TMEM229B: variants seen among roughly 807,000 people sequenced by gnomAD.
The protein encoded by TMEM229B is transmembrane protein 229B.
Under a neutral mutation model 13.7 loss-of-function variants are expected in TMEM229B, and 6 were observed. The observed-to-expected ratio is 0.44, with a 90% CI of 0.24 to 0.86. The LOEUF (loss-of-function observed/expected upper bound fraction) is 0.86, where lower values mean the gene tolerates loss of function less well. Ranked by LOEUF, TMEM229B falls within the 40% of genes least tolerant of loss-of-function variation. The pLI is 0.23. For missense variants in TMEM229B, 170 were observed against 236.0 expected (o/e 0.72, Z 1.83); for synonymous variants, 107 against 102.1 (o/e 1.05, Z -0.29).
At chr14:67,479,458 C>G (rs1331646780) in intron 2 of TMEM229B, among the ~76,000 whole-genome samples, 2 of 151,426 alleles carry the variant, frequency 1.3e-5, no homozygotes. Flanking sequence ...TAGCTCATGC[C>G]TGTAATCCCA....
At position 67,473,385 on chromosome 14, in the gene TMEM229B, A is replaced by G. The variant is rs749173504; in HGVS notation, c.*35T>C. 6.2e-7 allele frequency: 1 copy of G among 1,603,762 alleles called. No homozygotes were observed. Among genetic ancestry groups the G allele is most frequent in the South Asian group, 1.1e-5 (1 of 89,154 alleles). On this transcript the variant is annotated 3_prime_UTR_variant, in exon 3 of 3. Coordinates refer to ENST00000554480, the MANE Select transcript of TMEM229B (RefSeq NM_001348543.2). The surrounding 1 kb of genome is among the most constrained non-coding windows in gnomAD (Gnocchi z 6.5). Reference sequence around the variant, plus strand: ...CTTGGTCTCTTTGTCCATGAGTTCCATGAGAGATCCCCAGGCCCCCCACCC... The same window carrying G: ...CTTGGTCTCTTTGTCCATGAGTTCCGTGAGAGATCCCCAGGCCCCCCACCC...
At chr14:67,506,781 C>G (rs1409811421) in intron 1 of TMEM229B, among the ~76,000 whole-genome samples, 1 of 152,100 alleles carries the variant, frequency 6.6e-6, no homozygotes, top group East Asian at 1.9e-4. Context: ...GTAAAGAGAT[C>G]GAGACCATCC....
intron 1 of TMEM229B, among the ~76,000 whole-genome samples, chr14:67,523,264 C>T (rs2033316832): frequency 6.7e-6 from 1 of 149,616 alleles, no homozygotes; most frequent in Admixed American, 6.7e-5. Context: ...GCTGAGGTTG[C>T]AGTGAGCCAA....
chr14:67,479,992 T>C (rs529810652), intron 2 of TMEM229B, among the ~76,000 whole-genome samples: 62 of 152,310 alleles, frequency 4.1e-4, no homozygotes, highest in African/African-American at 1.4e-3. Context: ...TGAGACCTAA[T>C]GGACGCTGCC....
chr14:67,532,223 A>G (rs115138861), intron 1 of TMEM229B, among the ~76,000 whole-genome samples: 1,650 of 152,292 alleles, frequency 0.011, 44 homozygotes, highest in African/African-American at 0.037. Flanking sequence ...TTAGAGATTC[A>G]GATTCAAACC....
At chr14:67,483,856 G>A (rs1225294175) in intron 2 of TMEM229B, among the ~76,000 whole-genome samples, 2 of 152,224 alleles carry the variant, frequency 1.3e-5, no homozygotes. Context: ...GGAGCGGTCC[G>A]AACACAGAGG....
At position 67,473,605 on chromosome 14, in the gene TMEM229B, G is replaced by T. The variant is rs1367395787; in HGVS notation, c.319C>A (p.Gln107Lys). 1 of 1,601,808 alleles carries T rather than the reference G, an allele frequency of 6.2e-7. No individual in the cohort carries two copies. The highest frequency in any genetic ancestry group is 1.1e-5 in the South Asian group (1 of 89,516). ...AGGCCCATGAAGTCAAAGTCGAACT[G>T]GGAGTAGTCCCAGGGGCAGGCGTTG... ...QFNACPWDYSQFDFDFMGLIT... is the reference protein window; with the variant it reads ...QFNACPWDYSKFDFDFMGLIT... Residue 107 changes from glutamine to lysine, a missense_variant, in exon 3 of 3, where the codon CAG (glutamine) becomes AAG (lysine). This residue lies in a region of TMEM229B where 57 missense variants were observed against 66.7 expected (regional missense o/e 0.85). Coordinates refer to ENST00000554480, the MANE Select transcript of TMEM229B (RefSeq NM_001348543.2). The surrounding 1 kb of genome is among the most constrained non-coding windows in gnomAD (Gnocchi z 6.5).
At chr14:67,513,141 A>G (rs1311817300) in intron 1 of TMEM229B, among the ~76,000 whole-genome samples, 1 of 152,206 alleles carries the variant, frequency 6.6e-6, no homozygotes, top group Non-Finnish European at 1.5e-5. Context: ...TCCCATCTTA[A>G]GGTCAGTACA....
At chr14:67,533,179 G>A (rs2033524886) in intron 1 of TMEM229B, 1 of 151,990 alleles carries the variant, frequency 6.6e-6, no homozygotes. Context: ...GTTGAATGGG[G>A]CGCAGCAAGG....
At chr14:67,489,809 T>C (rs956314871), upstream of TMEM229B, among the ~76,000 whole-genome samples, 2 of 152,024 alleles carry the variant, frequency 1.3e-5, no homozygotes, top group African/African-American at 2.4e-5. Flanking sequence ...GCTAACATGG[T>C]GAAACCCCAT....
chr14:67,508,753 C>CAAAAAAAAAAAAAAAAAAAAAAAAAA lies in TMEM229B; in HGVS notation c.-192+6332_-192+6333insTTTTTTTTTTTTTTTTTTTTTTTTTT, dbSNP rs757183130. 1.6e-3 allele frequency among the ~76,000 whole-genome samples: 74 copies of CAAAAAAAAAAAAAAAAAAAAAAAAAA among 46,634 alleles called. 6 individuals carry two copies. Among genetic ancestry groups the CAAAAAAAAAAAAAAAAAAAAAAAAAA allele is most frequent in the Non-Finnish European group, 2.5e-3 (53 of 21,270 alleles). 30.6% of individuals were successfully genotyped at this position (46,634 alleles called of 152,430 possible). On this transcript the variant is annotated intron_variant, in intron 1 of 2. Coordinates refer to the TMEM229B transcript ENST00000357461. ...TGGGTGACAGAGCAAAACCTTGTCT[C>CAAAAAAAAAAAAAAAAAAAAAAAAAA]AAAAAAAAAAAAAAAAAACAGAAGA...
chr14:67,488,331 A>G (rs887677533), intron 1 of TMEM229B, among the ~76,000 whole-genome samples, 177 bp downstream of exon 1: 2 of 152,252 alleles, frequency 1.3e-5, no homozygotes, highest in African/African-American at 4.8e-5. Flanking sequence ...AAAGGGCAGG[A>G]GTGGGGGAAC....
intron 2 of TMEM229B, among the ~76,000 whole-genome samples, chr14:67,476,029 C>T (rs1348514209): frequency 6.6e-6 from 1 of 152,208 alleles, no homozygotes; most frequent in Non-Finnish European, 1.5e-5. Flanking sequence ...GGGACTGCAT[C>T]AAGAATGGGA....
chr14:67,504,349 G>A (rs183893617), intron 1 of TMEM229B, among the ~76,000 whole-genome samples: 8 of 152,274 alleles, frequency 5.3e-5, no homozygotes, highest in Admixed American at 2.0e-4. Context: ...ATATAAGTAC[G>A]TTCCTCATGA....
At chr14:67,491,874 G>T (rs957971048), upstream of TMEM229B, among the ~76,000 whole-genome samples, 3 of 152,206 alleles carry the variant, frequency 2.0e-5, no homozygotes, top group African/African-American at 7.2e-5. Flanking sequence ...CCCCCAGGAA[G>T]CAAGGAGAGG....
At chr14:67,533,110 A>C (rs1423151593) in intron 1 of TMEM229B, among the ~76,000 whole-genome samples, 11 of 152,118 alleles carry the variant, frequency 7.2e-5, no homozygotes, top group Non-Finnish European at 1.3e-4. Flanking sequence ...AGCTGAGCCC[A>C]GCGCTCTGCC....
intron 1 of TMEM229B, among the ~76,000 whole-genome samples, chr14:67,507,559 C>T (rs1247299462): frequency 6.6e-6 from 1 of 151,948 alleles, no homozygotes; most frequent in African/African-American, 2.4e-5. Context: ...AGTGATCCTC[C>T]CACCTCAGCC....
At chr14:67,532,644 G>T (rs529215735) in intron 1 of TMEM229B, among the ~76,000 whole-genome samples, 1 of 152,138 alleles carries the variant, frequency 6.6e-6, no homozygotes, top group Non-Finnish European at 1.5e-5. Context: ...CTTGAGCTCC[G>T]GAGTTCGAGT....
chr14:67,480,151 G>A (rs1453566305), intron 2 of TMEM229B, among the ~76,000 whole-genome samples: 1 of 152,148 alleles, frequency 6.6e-6, no homozygotes, highest in Non-Finnish European at 1.5e-5. Context: ...TGTCATTTCT[G>A]GCACAGAGCC....
Sources: allele counts gnomAD v4.1 joint callset (sites outside exome capture counted in the v4.1 genomes callset), GRCh38; gene constraint gnomAD v4.1.1; regional missense constraint gnomAD v4.1.1; non-coding constraint Gnocchi (gnomAD v3.1); transcripts MANE v1.5; gene names NCBI Gene and HGNC (gene_info 2026-07-23, HGNC 2026-07-21).